Variants in NDST4 observed in about 807,000 individuals in gnomAD.
NDST4 encodes N-deacetylase and N-sulfotransferase 4, also known as N-heparan sulfate sulfotransferase 4.
In NDST4, 63 loss-of-function variants were observed where a neutral mutation model predicts 100.8. The ratio of observed to expected loss-of-function variants is 0.62; its 90% confidence interval spans 0.51 to 0.77. The LOEUF (loss-of-function observed/expected upper bound fraction) is 0.77, where lower values mean the gene tolerates loss of function less well. Ranked by LOEUF, NDST4 falls within the 30% of genes least tolerant of loss-of-function variation. The pLI is 0.00. For synonymous variants in NDST4, 377 were observed against 361.8 expected (o/e 1.04, Z -0.48); for missense variants, 943 against 1,018.4 (o/e 0.93, Z 1.01).
At chr4:114,977,589 T>C (rs1382531846) in intron 2 of NDST4, among the ~76,000 whole-genome samples, 2 of 152,142 alleles carry the variant, frequency 1.3e-5, no homozygotes, top group East Asian at 3.9e-4. Context: ...TGGATTATTA[T>C]ACTTCCTTTA....
intron 1 of NDST4, among the ~76,000 whole-genome samples, chr4:115,092,240 T>C (rs1019188767): frequency 1.3e-5 from 2 of 152,156 alleles, no homozygotes; most frequent in Non-Finnish European, 2.9e-5. Flanking sequence ...GGAATTTTTT[T>C]TCTGCACCCA....
rs184121112 is a variant in NDST4, at chr4:114,855,561, T to G, written c.1720-2740A>C. Among the ~76,000 whole-genome samples the G allele has an allele frequency of 2.0e-5, 3 of 152,292 alleles. No homozygotes were observed. The East Asian group carries it at 5.8e-4, about 29-fold the overall frequency. Reference sequence around the variant, plus strand: ...TTCCCCAGTGTATGTTCTTGACATCTTTGGTGAAAATGAGTTCACTGTAGA... The same window carrying G: ...TTCCCCAGTGTATGTTCTTGACATCGTTGGTGAAAATGAGTTCACTGTAGA... On this transcript the variant is annotated intron_variant, in intron 7 of 13. Coordinates refer to ENST00000264363, the MANE Select transcript of NDST4 (RefSeq NM_022569.3).
chr4:115,050,145 C>A (rs1019689500), intron 2 of NDST4, among the ~76,000 whole-genome samples: 2 of 152,080 alleles, frequency 1.3e-5, no homozygotes, highest in Non-Finnish European at 2.9e-5. Flanking sequence ...CATAAAAACA[C>A]AAATTGAGTG....
Position 114,871,296 on chromosome 4 carries a change from A to G in NDST4, c.1537-346T>C, listed in dbSNP as rs1302809865. On this transcript the variant is annotated intron_variant, in intron 6 of 13. Transcript: ENST00000264363. ...ATTAGACCAGTTCTAAAATTAAACA[A>G]TTTTTCCAGAACTTTCCTGGTGTAG... is the stretch of plus-strand genomic sequence containing the variant. Among the ~76,000 whole-genome samples the G allele has an allele frequency of 2.6e-5, 4 of 152,024 alleles. 1 individual carries two copies. Among genetic ancestry groups the G allele is most frequent in the Middle Eastern group, 6.3e-3 (2 of 316 alleles).
intron 6 of NDST4, among the ~76,000 whole-genome samples, chr4:114,891,616 C>A (rs1724599652): frequency 6.6e-6 from 1 of 151,976 alleles, no homozygotes; most frequent in African/African-American, 2.4e-5. Context: ...TTTTTAATAT[C>A]TCTTTAGCTA....
chr4:115,105,611 A>C (rs1364861913), intron 1 of NDST4, among the ~76,000 whole-genome samples: 1 of 152,116 alleles, frequency 6.6e-6, no homozygotes, highest in African/African-American at 2.4e-5. Context: ...GACAACAAAA[A>C]ACAACAAGAA....
chr4:115,012,280 T>C (rs1727566856), intron 2 of NDST4, among the ~76,000 whole-genome samples: 2 of 152,000 alleles, frequency 1.3e-5, no homozygotes, highest in South Asian at 4.1e-4. Flanking sequence ...ACATCTTGTT[T>C]TTACATTTAT....
At chr4:114,974,491 G>T (rs1011532328) in intron 3 of NDST4, among the ~76,000 whole-genome samples, 3 of 152,192 alleles carry the variant, frequency 2.0e-5, no homozygotes, top group Admixed American at 6.5e-5. Context: ...AGCAATGATT[G>T]TCACCAGAAA....
chr4:114,941,672 C>T (rs909144155), intron 4 of NDST4, among the ~76,000 whole-genome samples: 3 of 152,116 alleles, frequency 2.0e-5, no homozygotes, highest in African/African-American at 7.2e-5. Context: ...AGGGCAGCAG[C>T]AGAGGCTTTT....
intron 1 of NDST4, among the ~76,000 whole-genome samples, chr4:115,089,981 G>T (rs1729483516): frequency 6.6e-6 from 1 of 151,368 alleles, no homozygotes; most frequent in African/African-American, 2.4e-5. Flanking sequence ...TTATATTTTG[G>T]TAAGCACACA....
chr4:114,978,362 C>T (rs1010416369), intron 2 of NDST4, among the ~76,000 whole-genome samples: 5 of 151,810 alleles, frequency 3.3e-5, no homozygotes, highest in Non-Finnish European at 5.9e-5. Flanking sequence ...TGAAAGGAGT[C>T]TCCTGTACAT....
chr4:114,931,874 C>T (rs1390275937), intron 6 of NDST4, among the ~76,000 whole-genome samples: 7 of 151,514 alleles, frequency 4.6e-5, no homozygotes, highest in East Asian at 1.9e-4. Flanking sequence ...AGGAAAAGCT[C>T]GGGACTTAAT....
Position 115,077,251 on chromosome 4 carries a change from T to G in NDST4, c.-215A>C. 1 of 390,916 alleles carries G rather than the reference T, an allele frequency of 2.6e-6. No individual in the cohort carries two copies. Among genetic ancestry groups the G allele is most frequent in the Non-Finnish European group, 4.6e-6 (1 of 218,180 alleles). 24.2% of individuals were successfully genotyped at this position (390,916 alleles called of 1,614,324 possible). ...AGGAGATTTTGAATATGTCCAATAC[T>G]GAGAATTGCTGCAGAATCCTCTAAG... is the stretch of plus-strand genomic sequence containing the variant. On this transcript the variant is annotated 5_prime_UTR_variant, in exon 2 of 14. Coordinates refer to ENST00000264363, the MANE Select transcript of NDST4 (RefSeq NM_022569.3).
At chr4:115,011,929 T>C (rs1270399809) in intron 2 of NDST4, among the ~76,000 whole-genome samples, 2 of 151,902 alleles carry the variant, frequency 1.3e-5, no homozygotes, top group Admixed American at 6.6e-5. Context: ...AAAAATATAC[T>C]AAATTATTTT....
intron 1 of NDST4, among the ~76,000 whole-genome samples, chr4:115,109,929 T>C (rs1303347270): frequency 6.6e-6 from 1 of 151,874 alleles, no homozygotes; most frequent in Non-Finnish European, 1.5e-5. Flanking sequence ...AGCAAACATG[T>C]TTACCTGTTG....
rs1560767526 is a variant in NDST4, at chr4:114,829,836, C to T, written c.2453G>A (p.Cys818Tyr). 1 of 1,611,944 alleles carries T rather than the reference C, an allele frequency of 6.2e-7. No individual in the cohort carries two copies. The highest frequency in any genetic ancestry group is 8.5e-7 in the Non-Finnish European group (1 of 1,179,438). The change falls in exon 13 of 14, where the codon TGC (cysteine) becomes TAC (tyrosine). Residue 818 changes from cysteine (C) to tyrosine (Y), a missense_variant. Cys to Tyr is a radical substitution (Grantham distance 194, BLOSUM62 -2). Coordinates refer to ENST00000264363, the MANE Select transcript of NDST4 (RefSeq NM_022569.3). The stretch of plus-strand genomic sequence containing the variant: ...TTTTCGGCCTTTGCTTTTTCCAAGG[C>T]ATTTTGTCTTTCCTCCTTCCAGTAA... ...CQLLEGGKTK[C>Y]LGKSKGRKYP...
intron 3 of NDST4, among the ~76,000 whole-genome samples, chr4:114,972,880 A>T (rs1029575511): frequency 2.6e-4 from 40 of 152,082 alleles, no homozygotes; most frequent in Middle Eastern, 3.2e-3. Flanking sequence ...CAGATGCATG[A>T]CTGATCATAA....
intron 6 of NDST4, among the ~76,000 whole-genome samples, chr4:114,887,279 A>G (rs1277755891): frequency 2.0e-5 from 3 of 152,328 alleles, no homozygotes; most frequent in Middle Eastern, 3.4e-3. Flanking sequence ...GTAAAAATTG[A>G]TAGACTTCAG....
intron 1 of NDST4, among the ~76,000 whole-genome samples, chr4:115,103,331 A>G (rs1485616240): frequency 6.6e-6 from 1 of 152,180 alleles, no homozygotes; most frequent in Non-Finnish European, 1.5e-5. Context: ...CAAAGAAGTG[A>G]AGTGACCAGT....
Sources: allele counts gnomAD v4.1 joint callset (sites outside exome capture counted in the v4.1 genomes callset), GRCh38; gene constraint gnomAD v4.1.1; transcripts MANE v1.5; gene names NCBI Gene and HGNC (gene_info 2026-07-23, HGNC 2026-07-21).